PTPRU: variants seen among roughly 807,000 people sequenced by gnomAD.
The protein encoded by PTPRU is receptor-type tyrosine-protein phosphatase U.
Under a neutral mutation model 166.3 loss-of-function variants are expected in PTPRU, and 69 were observed. The observed-to-expected ratio is 0.41, with a 90% CI of 0.34 to 0.51. The LOEUF (loss-of-function observed/expected upper bound fraction) is 0.51, where lower values mean the gene tolerates loss of function less well. Ranked by LOEUF, PTPRU falls within the 20% of genes least tolerant of loss-of-function variation. PTPRU has a pLI of 0.09. For synonymous variants in PTPRU, 793 were observed against 814.0 expected (o/e 0.97, Z 0.44); for missense variants, 1,657 against 2,013.7 (o/e 0.82, Z 3.39).
At chr1:29,272,664 T>G (rs906292924) in intron 7 of PTPRU, among the ~76,000 whole-genome samples, 1 of 152,094 alleles carries the variant, frequency 6.6e-6, no homozygotes, top group Middle Eastern at 3.4e-3. Flanking sequence ...CCCAGTACTT[T>G]GGGAGGTAGA....
chr1:29,275,793 A>G, intron 8 of PTPRU, 37 bp downstream of exon 8: 4 of 1,595,436 alleles, frequency 2.5e-6, no homozygotes, highest in Non-Finnish European at 3.4e-6. Flanking sequence ...GGCCCTGTGT[A>G]CCTCCCACAG....
At chr1:29,284,234 G>T (rs1686237292) in intron 13 of PTPRU, among the ~76,000 whole-genome samples, 1 of 152,300 alleles carries the variant, frequency 6.6e-6, no homozygotes, top group African/African-American at 2.4e-5. Flanking sequence ...TGGGTACAGG[G>T]TGCTGGTTCT....
intron 15 of PTPRU, among the ~76,000 whole-genome samples, chr1:29,292,959 G>A (rs1686709988): frequency 6.6e-6 from 1 of 151,538 alleles, no homozygotes; most frequent in South Asian, 2.1e-4. Flanking sequence ...GGGATTACAG[G>A]CACCTGCCAC....
intron 7 of PTPRU, among the ~76,000 whole-genome samples, chr1:29,261,763 C>A (rs1377766537): frequency 1.3e-5 from 2 of 152,084 alleles, no homozygotes; most frequent in Non-Finnish European, 1.5e-5. Flanking sequence ...AAACTCCTGA[C>A]CTCAGGTGAT....
At chr1:29,294,423 G>A (rs977398950) in intron 15 of PTPRU, among the ~76,000 whole-genome samples, 3 of 152,108 alleles carry the variant, frequency 2.0e-5, no homozygotes, top group African/African-American at 7.2e-5. Flanking sequence ...TGGGTTTTCT[G>A]TTGCTTTCTT....
At chr1:29,252,037 C>T (rs894103703) in intron 1 of PTPRU, among the ~76,000 whole-genome samples, 2 of 152,170 alleles carry the variant, frequency 1.3e-5, no homozygotes, top group Non-Finnish European at 1.5e-5. Flanking sequence ...GGTTAATACC[C>T]ACCTCCTACA....
At position 29,323,216 on chromosome 1, in the gene PTPRU, T is replaced by A. The variant is rs189201092; in HGVS notation, c.3829-155T>A. On this transcript the variant is annotated intron_variant, in intron 26 of 29. Transcript: ENST00000373779. Reference sequence around the variant, plus strand: ...GCAGCCTGTGGGCAACTGGTGGTGATTGGGGGAGCTGCTGAAGGTGAGTCT... The same window carrying A: ...GCAGCCTGTGGGCAACTGGTGGTGAATGGGGGAGCTGCTGAAGGTGAGTCT... 24 of 967,502 alleles carry A rather than the reference T, an allele frequency of 2.5e-5. No individual in the cohort carries two copies. The Middle Eastern group carries it at 1.3e-3, about 54-fold the overall frequency. 59.9% of individuals were successfully genotyped at this position (967,502 alleles called of 1,614,324 possible). A position where few individuals can be genotyped will look rare whatever the true frequency, so the allele number is the denominator to read the frequency against.
At chr1:29,308,805 C>T (rs1050195008) in intron 18 of PTPRU, among the ~76,000 whole-genome samples, 1 of 152,072 alleles carries the variant, frequency 6.6e-6, no homozygotes, top group African/African-American at 2.4e-5. Context: ...GGGAGGATTG[C>T]TTGAGCCCAG....
intron 5 of PTPRU, 147 bp downstream of exon 5, chr1:29,259,711 G>C (rs1284899604): frequency 7.9e-7 from 1 of 1,259,994 alleles, no homozygotes. Context: ...GCTCTGCTCT[G>C]CGCTTTCTTG....
intron 22 of PTPRU, among the ~76,000 whole-genome samples, chr1:29,314,583 AT>A (rs11436233): frequency 4.0e-4 from 59 of 148,462 alleles, no homozygotes; most frequent in Non-Finnish European, 4.2e-4. Flanking sequence ...GAATTAATTA[AT>A]TTTTTTTTTT....
At chr1:29,312,745 T>C in intron 22 of PTPRU, 39 bp downstream of exon 22, 1 of 1,575,150 alleles carries the variant, frequency 6.3e-7, no homozygotes, top group Non-Finnish European at 8.7e-7. Flanking sequence ...AAGGGGCCCT[T>C]CTCCCTGGGA....
chr1:29,264,249 C>T (rs1685191132), intron 7 of PTPRU, among the ~76,000 whole-genome samples: 1 of 151,394 alleles, frequency 6.6e-6, no homozygotes, highest in African/African-American at 2.4e-5. Context: ...AATACTTTCT[C>T]CCATTCTGTG....
intron 28 of PTPRU, 120 bp from the exon 29 acceptor site, chr1:29,325,071 A>T: frequency 7.4e-7 from 1 of 1,354,900 alleles, no homozygotes; most frequent in Non-Finnish European, 1.0e-6. Context: ...CCACCCTTCT[A>T]GATTCCCTAG....
At chr1:29,265,991 C>T (rs1391241733) in intron 7 of PTPRU, among the ~76,000 whole-genome samples, 2 of 149,602 alleles carry the variant, frequency 1.3e-5, no homozygotes, top group African/African-American at 4.9e-5. Flanking sequence ...ATCCCTGTCT[C>T]CCAAAGATTT....
At position 29,320,836 on chromosome 1, in the gene PTPRU, C is replaced by A. The variant is rs774062877; in HGVS notation, c.3828+11C>A. On this transcript the variant is annotated intron_variant, in intron 26 of 29. Coordinates refer to ENST00000373779, the MANE Select transcript of PTPRU (RefSeq NM_133178.4). This position sits in a 1 kb window ranked among gnomAD's most constrained non-coding sequence, Gnocchi z 5.2. ...TCCAACTCCGCCTGGGTGAGGCCTC[C>A]ACTGGCCAGGCCAATGGGCCGCCTG... The A allele has an allele frequency of 6.4e-7, 1 of 1,560,968 alleles. No homozygotes were observed. Among genetic ancestry groups the A allele is most frequent in the Non-Finnish European group, 8.7e-7 (1 of 1,144,864 alleles).
At chr1:29,278,390 A>G (rs2151952290) in intron 8 of PTPRU, among the ~76,000 whole-genome samples, 1 of 152,296 alleles carries the variant, frequency 6.6e-6, no homozygotes, top group South Asian at 2.1e-4. Context: ...CTCTTCCTAA[A>G]TGACACTCCT....
chr1:29,279,555 T>A lies in PTPRU; in HGVS notation c.1663T>A (p.Ser555Thr). The change falls in exon 10 of 30, where the codon TCC (serine) becomes ACC (threonine). Residue 555 changes from serine (S) to threonine (T), a missense_variant. Physicochemically the swap from Ser to Thr is moderately conservative, Grantham distance 58 (BLOSUM62 1). Coordinates refer to ENST00000373779, the MANE Select transcript of PTPRU (RefSeq NM_133178.4). The surrounding 1 kb of genome is among the most constrained non-coding windows in gnomAD (Gnocchi z 5.2). ...KLRNETYHVF[S>T]NLHPGTTYLF... ...CCGCAATGAGACCTACCATGTCTTC[T>A]CCAACCTGCACCCAGGCACCACCTA... The A allele has an allele frequency of 3.1e-6, 5 of 1,614,114 alleles. No individual in the cohort carries two copies. Among genetic ancestry groups the A allele is most frequent in the Non-Finnish European group, 4.2e-6 (5 of 1,180,010 alleles).
chr1:29,253,095 G>T (rs573361343), intron 1 of PTPRU, among the ~76,000 whole-genome samples: 1 of 152,308 alleles, frequency 6.6e-6, no homozygotes, highest in East Asian at 1.9e-4. Flanking sequence ...CACATTAACT[G>T]GTTAATTATA....
At chr1:29,245,748 G>A (rs1277331863) in intron 1 of PTPRU, among the ~76,000 whole-genome samples, 1 of 152,190 alleles carries the variant, frequency 6.6e-6, no homozygotes, top group African/African-American at 2.4e-5. Flanking sequence ...TGTCAGTGTT[G>A]CATTGGGAAG....
Sources: gnomAD v4.1 joint callset for allele counts (sites outside exome capture counted in the v4.1 genomes callset) on GRCh38, gnomAD v4.1.1 for gene constraint, Gnocchi (gnomAD v3.1) non-coding constraint, MANE v1.5 for transcripts, NCBI Gene and HGNC (gene_info 2026-07-23, HGNC 2026-07-21) for gene names.